Variants in ALDH1A3 observed in about 807,000 individuals in gnomAD.
ALDH1A3 encodes the protein retinaldehyde dehydrogenase 3.
ALDH1A3 carries 28 observed loss-of-function variants against 57.5 expected under a neutral mutation model. The ratio of observed to expected loss-of-function variants is 0.49; its 90% CI spans 0.36 to 0.67. The LOEUF is 0.67. ALDH1A3 is among the 30% of genes least tolerant of loss of function. The pLI is 0.00. For synonymous variants in ALDH1A3, 281 were observed against 264.8 expected (o/e 1.06, Z -0.59); for missense variants, 507 against 669.4 (o/e 0.76, Z 2.68).
At chr15:100,908,506 C>G (rs377069366) in intron 12 of ALDH1A3, 24 bp downstream of exon 12, 193 of 1,592,010 alleles carry the variant, frequency 1.2e-4, no homozygotes, top group Non-Finnish European at 1.5e-4. Flanking sequence ...TCATTCTGAG[C>G]CTGCCGTGGG....
At chr15:100,900,101 T>A (rs949031763) in intron 8 of ALDH1A3, among the ~76,000 whole-genome samples, 1 of 152,252 alleles carries the variant, frequency 6.6e-6, no homozygotes, top group East Asian at 1.9e-4. Context: ...TAGTCAGCCC[T>A]TCTAAGTCAC....
intron 8 of ALDH1A3, among the ~76,000 whole-genome samples, chr15:100,899,021 AG>A (rs748350847): frequency 1.3e-3 from 201 of 152,180 alleles, no homozygotes; most frequent in Non-Finnish European, 1.1e-3. Context: ...CACTCAGATA[AG>A]GTTGGAATTG....
rs199747569 is a variant in ALDH1A3, at chr15:100,914,767, C to G, written c.1533C>G (p.Asn511Lys). Residue 511 changes from asparagine to lysine, a missense_variant, in exon 13 of 13, where the codon AAC becomes AAG. Transcript: ENST00000329841. ...TCACCATCAAACTTGGCGACAAGAACCCCTGAAGGAAAGGCGGGGCTCCTT... is the reference window on the plus strand; with the variant it reads ...TCACCATCAAACTTGGCGACAAGAAGCCCTGAAGGAAAGGCGGGGCTCCTT... ...KTVTIKLGDK[N>K]P 6.2e-7 allele frequency: 1 copy of G among 1,614,012 alleles called. No homozygotes were observed. Among genetic ancestry groups the G allele is most frequent in the Non-Finnish European group, 8.5e-7 (1 of 1,179,992 alleles).
At chr15:100,900,482 G>C (rs1367425921) in intron 8 of ALDH1A3, 93 bp from the exon 9 acceptor site, 1 of 1,170,042 alleles carries the variant, frequency 8.5e-7, no homozygotes, top group Non-Finnish European at 1.2e-6. Context: ...TTTCTTGTGT[G>C]GGCAATTAGA....
In ALDH1A3 at chr15:100,887,818, T is replaced by A. The variant is rs754039687; in HGVS notation, c.345+106T>A. The stretch of plus-strand genomic sequence containing the variant: ...AGATCACGGTCCTGGTTTTGTGTGG[T>A]CGTGGGTCTGTTCCATCCTCTGAGA... On this transcript the variant is annotated intron_variant, in intron 3 of 12. Coordinates refer to ENST00000329841, the MANE Select transcript of ALDH1A3 (RefSeq NM_000693.4). The surrounding 1 kb of genome is among the most constrained non-coding windows in gnomAD (Gnocchi z 4.6). 4.3e-6 allele frequency: 6 copies of A among 1,393,886 alleles called. No homozygotes were observed. The highest frequency in any genetic ancestry group is 5.7e-6 in the Non-Finnish European group (6 of 1,053,124). The allele number at this position is 1,393,886 out of a possible 1,614,324, so 86.3% of individuals were successfully genotyped here. A position where few individuals can be genotyped will look rare whatever the true frequency, so the allele number is the denominator to read the frequency against.
chr15:100,905,566 G>T lies in ALDH1A3; in HGVS notation c.1112G>T (p.Ser371Ile). 1 of 1,614,206 alleles carries T rather than the reference G, an allele frequency of 6.2e-7. No individual in the cohort carries two copies. Among genetic ancestry groups the T allele is most frequent in the Non-Finnish European group, 8.5e-7 (1 of 1,180,030 alleles). Residue 371 changes from serine (S) to isoleucine (I), a missense_variant, in exon 10 of 13, where the codon AGT becomes ATT. Physicochemically the swap from Ser to Ile is moderately radical, Grantham distance 142 (BLOSUM62 -2). Transcript: ENST00000329841. The stretch of plus-strand genomic sequence containing the variant: ...GACAAAATCTTAGAGCTGATCGAGA[G>T]TGGGAAGAAGGAAGGGGCCAAGCTG... ...QFDKILELIE[S>I]GKKEGAKLEC... is the part of the protein sequence containing the mutation.
Position 100,885,385 on chromosome 15 carries a change from A to G in ALDH1A3, c.204+14A>G, listed in dbSNP as rs2141547604. 10 of 1,566,788 alleles carry G rather than the reference A, an allele frequency of 6.4e-6. No individual in the cohort carries two copies. The highest frequency in any genetic ancestry group is 8.8e-6 in the Non-Finnish European group (10 of 1,137,266). On this transcript the variant is annotated intron_variant, in intron 2 of 12. Transcript: ENST00000329841. ...GAAGGAGATAAGGTAAATACTTAAA[A>G]TAAATTTGCTCTAAGTAATTCAATT... is the stretch of plus-strand genomic sequence containing the variant.
rs533181926 is a variant in ALDH1A3 at position 100,909,481 on chromosome 15, G to GTA, written c.1466+999_1466+1000insTA. 6.1e-5 allele frequency among the ~76,000 whole-genome samples: 2 copies of GTA among 32,918 alleles called. 1 individual carries two copies. Among genetic ancestry groups the GTA allele is most frequent in the Non-Finnish European group, 1.3e-4 (2 of 14,830 alleles). 21.6% of individuals were successfully genotyped at this position (32,918 alleles called of 152,430 possible). A position where few individuals can be genotyped will look rare whatever the true frequency, so the allele number is the denominator to read the frequency against. ...TGTGTGTGCAAACTCCTCAGTGTGT[G>GTA]AACCCACTGCAAACCCCAGTGTGTG... is the stretch of plus-strand genomic sequence containing the variant. On this transcript the variant is annotated intron_variant, in intron 12 of 12. Coordinates refer to ENST00000329841, the MANE Select transcript of ALDH1A3 (RefSeq NM_000693.4).
chr15:100,909,605 C>A (rs931344165), intron 12 of ALDH1A3, among the ~76,000 whole-genome samples: 1 of 151,996 alleles, frequency 6.6e-6, no homozygotes, highest in African/African-American at 2.4e-5. Context: ...CACTGCAAAC[C>A]CCTCCACTGT....
At chr15:100,898,815 T>C (rs1311930624) in intron 8 of ALDH1A3, among the ~76,000 whole-genome samples, 4 of 152,198 alleles carry the variant, frequency 2.6e-5, no homozygotes, top group African/African-American at 9.7e-5. Context: ...TTAAAATATA[T>C]GCTATTGTTG....
intron 1 of ALDH1A3, chr15:100,881,551 A>C (rs1197854402): frequency 6.6e-6 from 1 of 152,222 alleles, no homozygotes; most frequent in African/African-American, 2.4e-5. Flanking sequence ...GACCACATAC[A>C]AAAAGTTTAC....
chr15:100,897,978 G>A (rs746179797), intron 7 of ALDH1A3, 105 bp from the exon 8 acceptor site: 9 of 1,035,036 alleles, frequency 8.7e-6, no homozygotes, highest in Non-Finnish European at 1.3e-5. Context: ...AGAGCCAGGT[G>A]GTGGCACTGC....
chr15:100,915,094 C>A lies in ALDH1A3; in HGVS notation c.*321C>A. 1 of 291,862 alleles carries A rather than the reference C, an allele frequency of 3.4e-6. No homozygotes were observed. Among genetic ancestry groups the A allele is most frequent in the Non-Finnish European group, 6.6e-6 (1 of 151,012 alleles). 18.1% of individuals were successfully genotyped at this position (291,862 alleles called of 1,614,324 possible). On this transcript the variant is annotated 3_prime_UTR_variant, in exon 13 of 13. Transcript: ENST00000329841. ...TAACAGGGAGTGGTATTTGAAGTGT[C>A]CAGCAGTTGCTTGAAATGCTTTGCC...
intron 3 of ALDH1A3, among the ~76,000 whole-genome samples, chr15:100,891,539 G>A (rs1424161381): frequency 6.6e-6 from 1 of 152,252 alleles, no homozygotes; most frequent in Non-Finnish European, 1.5e-5. Flanking sequence ...TGGGCCGTTA[G>A]CGTCCGTGCC....
At chr15:100,895,578 T>A in intron 6 of ALDH1A3, 8 of 276,530 alleles carry the variant, frequency 2.9e-5, no homozygotes, top group East Asian at 6.9e-5. Flanking sequence ...ACACTCTCCC[T>A]CACACACACA....
In ALDH1A3 at chr15:100,887,720, C is replaced by T; in HGVS notation, c.345+8C>T. ...GACCGCGCCACCTTGGCCGTGAGTA[C>T]ATGCACTTGGGGGCCGGTGGGGGAT... On this transcript the variant is annotated splice_region_variant and intron_variant, in intron 3 of 12. Coordinates refer to ENST00000329841, the MANE Select transcript of ALDH1A3 (RefSeq NM_000693.4). This position sits in a 1 kb window ranked among gnomAD's most constrained non-coding sequence, Gnocchi z 4.6. The T allele has an allele frequency of 1.3e-6, 2 of 1,583,564 alleles. No individual in the cohort carries two copies. Among genetic ancestry groups the T allele is most frequent in the Non-Finnish European group, 1.7e-6 (2 of 1,161,802 alleles).
chr15:100,898,065 C>T lies in ALDH1A3; in HGVS notation c.781-18C>T. The stretch of plus-strand genomic sequence containing the variant: ...AGCAACATCCAAGGTAAATTGTGAT[C>T]TGTGTTCTGTCCTGGAGGTTGGAAA... On this transcript the variant is annotated intron_variant, in intron 7 of 12. Coordinates refer to ENST00000329841, the MANE Select transcript of ALDH1A3 (RefSeq NM_000693.4). 1 of 1,609,194 alleles carries T rather than the reference C, an allele frequency of 6.2e-7. No homozygotes were observed. Among genetic ancestry groups the T allele is most frequent in the Non-Finnish European group, 8.5e-7 (1 of 1,175,754 alleles).
intron 6 of ALDH1A3, chr15:100,895,683 GT>G (rs1448024183): frequency 1.8e-6 from 1 of 549,646 alleles, no homozygotes; most frequent in Non-Finnish European, 3.3e-6. Context: ...TTGGGATGGG[GT>G]CCCCCCCCAG....
chr15:100,890,380 C>T (rs1245806592), intron 3 of ALDH1A3, among the ~76,000 whole-genome samples: 1 of 152,144 alleles, frequency 6.6e-6, no homozygotes, highest in African/African-American at 2.4e-5. Context: ...CAATCTGTAG[C>T]GAGCACTTGG....
Sources: gnomAD v4.1 joint callset for allele counts (sites outside exome capture counted in the v4.1 genomes callset) on GRCh38, gnomAD v4.1.1 for gene constraint, Gnocchi (gnomAD v3.1) non-coding constraint, MANE v1.5 for transcripts, NCBI Gene and HGNC (gene_info 2026-07-23, HGNC 2026-07-21) for gene names.